Variants in IL4I1 observed in about 807,000 individuals in gnomAD.
IL4I1 encodes interleukin 4 induced 1, also known as L-amino-acid oxidase.
A neutral mutation model predicts 29.7 loss-of-function variants in IL4I1; 24 were observed. That is an observed-to-expected ratio of 0.81 (90% CI 0.59 to 1.14). IL4I1 has a LOEUF of 1.14. IL4I1 is among the 50% of genes most tolerant of loss of function. IL4I1 has a pLI of 0.00. For missense variants in IL4I1, 686 were observed against 785.6 expected (o/e 0.87, Z 1.52); for synonymous variants, 371 against 352.5 (o/e 1.05, Z -0.59).
intron 2 of IL4I1, chr19:49,908,721 G>A (rs761071949): frequency 1.2e-5 from 20 of 1,612,900 alleles, no homozygotes; most frequent in Admixed American, 3.3e-5. Context: ...ATCAGCGTGC[G>A]GTCCCAGGCG....
In IL4I1 at chr19:49,890,375, C is replaced by A. The variant is rs772942605; in HGVS notation, c.999G>T (p.Ser333=). 4.1e-5 allele frequency: 66 copies of A among 1,600,318 alleles called. No individual in the cohort carries two copies. The South Asian group carries it at 7.2e-4, about 17-fold the overall frequency. Residue 333 remains serine (S), a synonymous_variant, in exon 8 of 8, where the codon TCG becomes TCT. Transcript: ENST00000391826. ...CCTGCATGTGGCGGGGCAGCGGCGG[C>A]GAGAAGGTGATGCGCTTCACCGCCG... is the stretch of plus-strand genomic sequence containing the variant. ...SGPAVKRITF[S]PPLPRHMQEA...
At chr19:49,897,957 C>T (rs1487070874), upstream of IL4I1, among the ~76,000 whole-genome samples, 1 of 152,024 alleles carries the variant, frequency 6.6e-6, no homozygotes, top group Non-Finnish European at 1.5e-5. Flanking sequence ...GACGCAGGGG[C>T]GGGAGGCCGT....
At chr19:49,909,644 G>A in intron 2 of IL4I1, 1 of 1,614,216 alleles carries the variant, frequency 6.2e-7, no homozygotes, top group Non-Finnish European at 8.5e-7. Context: ...GCCGGTGGAA[G>A]GGGTACTTGT....
upstream of IL4I1, among the ~76,000 whole-genome samples, chr19:49,898,838 C>T (rs1487121704): frequency 6.6e-6 from 1 of 152,202 alleles, no homozygotes; most frequent in African/African-American, 2.4e-5. Flanking sequence ...CGCTGCACTC[C>T]AGCCTGGGGG....
intron 2 of IL4I1, chr19:49,909,687 C>G: frequency 6.2e-7 from 1 of 1,614,182 alleles, no homozygotes; most frequent in Non-Finnish European, 8.5e-7. Flanking sequence ...AAATTAAACC[C>G]TCCAGTGCCA....
At chr19:49,899,107 A>G (rs2075247491), upstream of IL4I1, among the ~76,000 whole-genome samples, 1 of 152,224 alleles carries the variant, frequency 6.6e-6, no homozygotes, top group Admixed American at 6.5e-5. Flanking sequence ...GGGGAATGGC[A>G]GTGCTGGCAT....
chr19:49,895,859 C>A lies in IL4I1; in HGVS notation c.208G>T (p.Ala70Ser), dbSNP rs1568687038. The A allele has an allele frequency of 3.0e-5, 48 of 1,614,172 alleles. No individual in the cohort carries two copies. Among genetic ancestry groups the A allele is most frequent in the Non-Finnish European group, 4.0e-5 (47 of 1,180,032 alleles). The change falls in exon 3 of 8, where the codon GCC becomes TCC. Residue 70 changes from alanine to serine, a missense_variant. Ala to Ser is a moderately conservative substitution (Grantham distance 99). Coordinates refer to ENST00000391826, the MANE Select transcript of IL4I1 (RefSeq NM_152899.2). Reference sequence around the variant, plus strand: ...AGCACCTTGGCGGCCACCAGCCCGGCCACACCAGCGCCAACCACAATCACC... The same window carrying A: ...AGCACCTTGGCGGCCACCAGCCCGGACACACCAGCGCCAACCACAATCACC... ...QRVIVVGAGV[A>S]GLVAAKVLSD... is the part of the protein sequence containing the mutation.
At chr19:49,916,693 G>A (rs997978247) in intron 2 of IL4I1, among the ~76,000 whole-genome samples, 4 of 151,384 alleles carry the variant, frequency 2.6e-5, no homozygotes, top group African/African-American at 9.7e-5. Flanking sequence ...CAACCCGGGA[G>A]GCGGAGCTTG....
intron 5 of IL4I1, among the ~76,000 whole-genome samples, chr19:49,892,377 C>T (rs2075151180): frequency 6.6e-6 from 1 of 152,172 alleles, no homozygotes; most frequent in African/African-American, 2.4e-5. Flanking sequence ...CCACTGCGTG[C>T]CAGGTACCCG....
chr19:49,927,504 C>A lies in IL4I1; in HGVS notation c.-228+190G>T, dbSNP rs1473575913. 2.0e-5 allele frequency among the ~76,000 whole-genome samples: 3 copies of A among 152,308 alleles called. No homozygotes were observed. In the South Asian group the frequency reaches 6.2e-4, roughly 32 times the overall value. ...GGCCCACGGGTGGGACAAGCTCAGT[C>A]TATGCTCTTAGCTGCTACTCTGTAT... On this transcript the variant is annotated intron_variant, in intron 2 of 9. Coordinates refer to the IL4I1 transcript ENST00000341114.
At chr19:49,895,698 T>TGCCCCCCCCA in intron 3 of IL4I1, 117 bp downstream of exon 3, 1 of 705,418 alleles carries the variant, frequency 1.4e-6, no homozygotes. Flanking sequence ...AGATAGCCTC[T>TGCCCCCCCCA]CCCCCCACAT....
At chr19:49,927,856 A>C (rs2075941539) in intron 1 of IL4I1, 1 of 152,280 alleles carries the variant, frequency 6.6e-6, no homozygotes, top group Admixed American at 6.5e-5. Flanking sequence ...CGGCTGGTGG[A>C]GGAGGGCCCA....
At chr19:49,894,532 GACTTGGAGAAGA>G in intron 4 of IL4I1, 63 bp from the exon 5 acceptor site, 1 of 1,118,890 alleles carries the variant, frequency 8.9e-7, no homozygotes, top group South Asian at 1.2e-5. Context: ...TCCCTAGTGG[GACTTGGAGAAGA>G]GGGGTGGGAG....
intron 2 of IL4I1, among the ~76,000 whole-genome samples, chr19:49,925,430 C>G (rs142564599): frequency 1.8e-3 from 253 of 143,016 alleles, no homozygotes; most frequent in African/African-American, 6.3e-3. Flanking sequence ...CCCTCCCCCC[C>G]ATCTCTACTA....
upstream of IL4I1, chr19:49,896,976 G>T: frequency 1.3e-6 from 1 of 752,850 alleles, no homozygotes; most frequent in Non-Finnish European, 1.6e-6. Flanking sequence ...AAATGAAACT[G>T]GTTTCCTGGA....
At chr19:49,907,378 C>G (rs75368221) in intron 2 of IL4I1, 11,753 of 342,992 alleles carry the variant, frequency 0.034, 786 homozygotes, top group Admixed American at 0.13. Context: ...CCTCAACACC[C>G]TGTGTGTGCA....
intron 2 of IL4I1, among the ~76,000 whole-genome samples, chr19:49,924,390 T>C (rs1235017701): frequency 6.6e-6 from 1 of 152,124 alleles, no homozygotes; most frequent in African/African-American, 2.4e-5. Context: ...TTCTCCCTTA[T>C]CCAAGGCTCT....
At position 49,890,072 on chromosome 19, in the gene IL4I1, G is replaced by A. The variant is rs973038388; in HGVS notation, c.1302C>T (p.Leu434=). Residue 434 remains leucine, a synonymous_variant, in exon 8 of 8, where the codon CTC becomes CTT. Transcript: ENST00000391826. ...GCTTGACGACGCCGGTGCCGTCCCA[G>A]AGCTGGCGCACGACAGGCCCGTGCA... ...AALHGPVVRQ[L]WDGTGVVKRW... is the part of the protein sequence containing the mutation. 2 of 1,548,746 alleles carry A rather than the reference G, an allele frequency of 1.3e-6. No individual in the cohort carries two copies. Among genetic ancestry groups the A allele is most frequent in the African/African-American group, 2.7e-5 (2 of 73,070 alleles).
intron 2 of IL4I1, chr19:49,917,697 C>T (rs1263621392): frequency 6.6e-6 from 1 of 152,214 alleles, no homozygotes; most frequent in Non-Finnish European, 1.5e-5. Context: ...TGCTCTCTTA[C>T]ATAACTACCC....
Sources: allele counts gnomAD v4.1 joint callset (sites outside exome capture counted in the v4.1 genomes callset), GRCh38; gene constraint gnomAD v4.1.1; transcripts MANE v1.5; gene names NCBI Gene and HGNC (gene_info 2026-07-23, HGNC 2026-07-21).